Variants in RNF207 observed in about 807,000 individuals in gnomAD.
RNF207 encodes ring finger protein 207, also known as OTTHUMG00000001089.
RNF207 carries 72 observed loss-of-function variants against 79.0 expected under a neutral mutation model. The ratio of observed to expected loss-of-function variants is 0.91; its 90% CI spans 0.75 to 1.11. The LOEUF (loss-of-function observed/expected upper bound fraction) is 1.11, where lower values mean the gene tolerates loss of function less well. Among genes scored for constraint, RNF207 ranks in the 50% least tolerant of loss-of-function variants. RNF207 has a pLI of 0.00. For missense variants in RNF207, 936 were observed against 855.8 expected (o/e 1.09, Z -1.17); for synonymous variants, 348 against 366.2 (o/e 0.95, Z 0.57).
chr1:6,217,814 G>C lies in RNF207; in HGVS notation c.1653-475G>C, dbSNP rs1196039980. Among the ~76,000 whole-genome samples the C allele has an allele frequency of 1.3e-5, 2 of 152,148 alleles. No homozygotes were observed. Among genetic ancestry groups the C allele is most frequent in the Non-Finnish European group, 2.9e-5 (2 of 68,028 alleles). ...CCGCGGGGCTGGACAGCTCTCTTGG[G>C]GACCTTCCCTGTGCACCTGTGACCG... is the stretch of plus-strand genomic sequence containing the variant. On this transcript the variant is annotated intron_variant, in intron 16 of 17. Coordinates refer to ENST00000377939, the MANE Select transcript of RNF207 (RefSeq NM_207396.3). This position sits in a 1 kb window ranked among gnomAD's most constrained non-coding sequence, Gnocchi z 4.2.
chr1:6,212,190 G>T, intron 13 of RNF207, 41 bp from the exon 14 acceptor site: 1 of 1,588,594 alleles, frequency 6.3e-7, no homozygotes, highest in Non-Finnish European at 8.6e-7. Flanking sequence ...AGTAAAAACA[G>T]CCTAGGGTGA....
intron 16 of RNF207, among the ~76,000 whole-genome samples, chr1:6,214,684 G>A (rs1430738379): frequency 7.2e-6 from 1 of 138,122 alleles, no homozygotes; most frequent in African/African-American, 2.9e-5. Context: ...TACCAGGCTG[G>A]AGTGCAGTGG....
At position 6,209,257 on chromosome 1, in the gene RNF207, G is replaced by T; in HGVS notation, c.552-11G>T. ...GCCGCTGGAGCGGGCCTCACCCGCC[G>T]CCTTCTGCAGGGAGAGCCGGGCACA... On this transcript the variant is annotated splice_polypyrimidine_tract_variant and intron_variant, in intron 5 of 17. Coordinates refer to ENST00000377939, the MANE Select transcript of RNF207 (RefSeq NM_207396.3). The T allele has an allele frequency of 1.3e-6, 2 of 1,549,404 alleles. No homozygotes were observed. The highest frequency in any genetic ancestry group is 1.7e-6 in the Non-Finnish European group (2 of 1,146,660).
intron 14 of RNF207, 50 bp downstream of exon 14, chr1:6,212,466 T>A (rs778110140): frequency 1.4e-5 from 21 of 1,524,106 alleles, no homozygotes; most frequent in Non-Finnish European, 8.9e-7. Context: ...AGGGGATACC[T>A]GGGCTACCCT....
chr1:6,208,849 C>G lies in RNF207; in HGVS notation c.325-32C>G, dbSNP rs1482088321. The G allele has an allele frequency of 2.0e-6, 3 of 1,515,644 alleles. No homozygotes were observed. In the East Asian group the frequency reaches 7.6e-5, roughly 38 times the overall value. The allele number at this position is 1,515,644 out of a possible 1,614,324, so 93.9% of individuals were successfully genotyped here. A position where few individuals can be genotyped will look rare whatever the true frequency, so the allele number is the denominator to read the frequency against. ...TTCCCGCGCTGGCCGCGGTCGGGCT[C>G]TGGCGCTCCTGAGCCCGCGCTCGGC... On this transcript the variant is annotated intron_variant, in intron 3 of 17. Coordinates refer to ENST00000377939, the MANE Select transcript of RNF207 (RefSeq NM_207396.3).
chr1:6,211,176 G>A lies in RNF207; in HGVS notation c.1109+58G>A, dbSNP rs1446788999. 3 of 1,249,826 alleles carry A rather than the reference G, an allele frequency of 2.4e-6. No individual in the cohort carries two copies. Among genetic ancestry groups the A allele is most frequent in the African/African-American group, 1.5e-5 (1 of 67,222 alleles). The allele number at this position is 1,249,826 out of a possible 1,614,324, so 77.4% of individuals were successfully genotyped here. A position where few individuals can be genotyped will look rare whatever the true frequency, so the allele number is the denominator to read the frequency against. On this transcript the variant is annotated intron_variant, in intron 12 of 17. Coordinates refer to ENST00000377939, the MANE Select transcript of RNF207 (RefSeq NM_207396.3). The surrounding 1 kb of genome is among the most constrained non-coding windows in gnomAD (Gnocchi z 4.2). ...TCCCCAACACTGGGGTGTGGGGGAG[G>A]GTGGGCGCTGAGGGGCCAGATCGCC... is the stretch of plus-strand genomic sequence containing the variant.
chr1:6,210,238 G>A lies in RNF207; in HGVS notation c.816G>A (p.Lys272=), dbSNP rs1282614742. Residue 272 remains lysine (K), a synonymous_variant, in exon 9 of 18, where the codon AAG becomes AAA. Transcript: ENST00000377939. ...CCTCCCCCAGCCAATACGAAGAGAA[G>A]GACAAGGCCTTCAAGGAGCAGCTCT... ...LQAVQSQYEE[K]DKAFKEQLSH... 2 of 1,613,554 alleles carry A rather than the reference G, an allele frequency of 1.2e-6. No homozygotes were observed. The highest frequency in any genetic ancestry group is 1.7e-5 in the Admixed American group (1 of 59,970).
At chr1:6,210,992 C>T (rs1368369993) in intron 11 of RNF207, 29 bp from the exon 12 acceptor site, 3 of 1,599,420 alleles carry the variant, frequency 1.9e-6, no homozygotes, top group Non-Finnish European at 2.6e-6. Context: ...GCAGTGGAGG[C>T]CACCTCATGA....
Position 6,211,231 on chromosome 1 carries a change from C to T in RNF207, c.1109+113C>T, listed in dbSNP as rs1285689389. ...AGAAGCCAGGTGCCACCATTCCTTC[C>T]TCCGTCCTTAGCTCGCCACCCTCCC... On this transcript the variant is annotated intron_variant, in intron 12 of 17. Coordinates refer to ENST00000377939, the MANE Select transcript of RNF207 (RefSeq NM_207396.3). This position sits in a 1 kb window ranked among gnomAD's most constrained non-coding sequence, Gnocchi z 4.2. 5.5e-6 allele frequency: 4 copies of T among 725,262 alleles called. No homozygotes were observed. The highest frequency in any genetic ancestry group is 9.1e-6 in the Non-Finnish European group (4 of 438,610). 44.9% of individuals were successfully genotyped at this position (725,262 alleles called of 1,614,324 possible).
Position 6,209,433 on chromosome 1 carries a change from C to T in RNF207, c.647C>T (p.Thr216Met), listed in dbSNP as rs199646373. The T allele has an allele frequency of 1.3e-5, 20 of 1,517,062 alleles. No homozygotes were observed. In the African/African-American group the frequency reaches 2.7e-4, roughly 20 times the overall value. The allele number at this position is 1,517,062 out of a possible 1,614,324, so 94.0% of individuals were successfully genotyped here. Residue 216 changes from threonine (T) to methionine (M), a missense_variant, in exon 7 of 18, where the codon ACG becomes ATG. By Grantham distance (81) the Thr-to-Met change is moderately conservative (BLOSUM62 -1). Transcript: ENST00000377939. ...CCCCAGGCCGTGAAGGCCCTGCAGA[C>T]GGCCACGCGGGAGGCCATCGCGCTG... ...QAVLAVKALQ[T>M]ATREAIALLQ...
chr1:6,209,247 C>A lies in RNF207; in HGVS notation c.552-21C>A, dbSNP rs755386948. On this transcript the variant is annotated intron_variant, in intron 5 of 17. Transcript: ENST00000377939. ...GGGGCTGGGGGCCGCTGGAGCGGGC[C>A]TCACCCGCCGCCTTCTGCAGGGAGA... is the stretch of plus-strand genomic sequence containing the variant. 4.6e-4 allele frequency: 708 copies of A among 1,549,564 alleles called. 1 individual carries two copies. The highest frequency in any genetic ancestry group is 5.8e-4 in the Non-Finnish European group (665 of 1,146,676).
At position 6,221,232 on chromosome 1, in the gene RNF207, A is replaced by G. The variant is rs1668539943; in HGVS notation, c.*1825A>G. 6.6e-6 allele frequency: 1 copy of G among 152,660 alleles called. No individual in the cohort carries two copies. Among genetic ancestry groups the G allele is most frequent in the Non-Finnish European group, 1.5e-5 (1 of 68,046 alleles). 9.5% of individuals were successfully genotyped at this position (152,660 alleles called of 1,614,324 possible). On this transcript the variant is annotated 3_prime_UTR_variant, in exon 18 of 18. Coordinates refer to ENST00000377939, the MANE Select transcript of RNF207 (RefSeq NM_207396.3). ...GTGCAGTTTTATTTAAGAACTGGAA[A>G]GAATAATCAGTATCTGTGAAAGAAA... is the stretch of plus-strand genomic sequence containing the variant.
intron 13 of RNF207, 29 bp from the exon 14 acceptor site, chr1:6,212,202 C>T (rs1318071009): frequency 6.3e-7 from 1 of 1,597,852 alleles, no homozygotes; most frequent in Admixed American, 1.7e-5. Context: ...CTAGGGTGAC[C>T]CACGCTCTCA....
chr1:6,213,146 C>T lies in RNF207; in HGVS notation c.1615C>T (p.Arg539Cys), dbSNP rs55823245. 27,075 of 1,613,034 alleles carry T rather than the reference C, an allele frequency of 0.017. 308 individuals are homozygous for T. The highest frequency in any genetic ancestry group is 0.023 in the Middle Eastern group (140 of 6,060). Residue 539 changes from arginine (R) to cysteine (C), a missense_variant, in exon 16 of 18, where the codon CGC becomes TGC. Transcript: ENST00000377939. ...TITKQITPYV[R>C]SIAKVKERLE... ...CACCAAGCAGATCACGCCCTACGTC[C>T]GCTCCATTGCCAAGGTGAAGGAGCG...
intron 10 of RNF207, 128 bp from the exon 11 acceptor site, chr1:6,210,742 G>A (rs1668128300): frequency 1.2e-6 from 1 of 842,492 alleles, no homozygotes; most frequent in Non-Finnish European, 1.9e-6. Context: ...AGTCCCAGAA[G>A]AGGGCTGGCG....
chr1:6,210,540 T>C lies in RNF207; in HGVS notation c.942+102T>C, dbSNP rs1400207575. On this transcript the variant is annotated intron_variant, in intron 10 of 17. Transcript: ENST00000377939. ...GGTGGGCAGCCTGTCACCTGGAGCC[T>C]GGACCAGGGATCTCGGGGCTGACCC... The C allele has an allele frequency of 5.7e-6, 5 of 883,344 alleles. No homozygotes were observed. In the East Asian group the frequency reaches 9.9e-5, roughly 17 times the overall value. 54.7% of individuals were successfully genotyped at this position (883,344 alleles called of 1,614,324 possible).
chr1:6,220,559 C>A lies in RNF207; in HGVS notation c.*1152C>A, dbSNP rs1369677562. ...GTTTGCTCCAGCTTCTCTCCCTTTCCAGCAAGGGCAGAGCTCCTAAAGCCA... is the reference window on the plus strand; with the variant it reads ...GTTTGCTCCAGCTTCTCTCCCTTTCAAGCAAGGGCAGAGCTCCTAAAGCCA... On this transcript the variant is annotated 3_prime_UTR_variant, in exon 18 of 18. Transcript: ENST00000377939. The A allele has an allele frequency of 2.0e-5, 3 of 152,224 alleles. No homozygotes were observed. Among genetic ancestry groups the A allele is most frequent in the Non-Finnish European group, 4.4e-5 (3 of 68,060 alleles). The allele number at this position is 152,224 out of a possible 1,614,324, so 9.4% of individuals were successfully genotyped here. A position where few individuals can be genotyped will look rare whatever the true frequency, so the allele number is the denominator to read the frequency against.
intron 7 of RNF207, 33 bp from the exon 8 acceptor site, chr1:6,209,891 G>A (rs572290194): frequency 4.5e-6 from 7 of 1,560,056 alleles, no homozygotes; most frequent in Admixed American, 2.0e-5. Flanking sequence ...GGGCTGGGGC[G>A]CAAATCAAGA....
intron 16 of RNF207, among the ~76,000 whole-genome samples, chr1:6,215,980 T>A (rs965722873): frequency 4.6e-5 from 7 of 152,100 alleles, no homozygotes; most frequent in Non-Finnish European, 1.0e-4. Context: ...TTGGAGGAGA[T>A]CAGGGTGGGT....
Sources: gnomAD v4.1 joint callset for allele counts (sites outside exome capture counted in the v4.1 genomes callset) on GRCh38, gnomAD v4.1.1 for gene constraint, Gnocchi (gnomAD v3.1) non-coding constraint, MANE v1.5 for transcripts, NCBI Gene and HGNC (gene_info 2026-07-23, HGNC 2026-07-21) for gene names.